Variants in MBTPS1 observed in about 807,000 individuals in gnomAD.
MBTPS1 encodes the protein membrane bound transcription factor peptidase, site 1.
MBTPS1 carries 94 observed loss-of-function variants against 127.8 expected under a neutral mutation model. The ratio of observed to expected loss-of-function variants is 0.74; its 90% CI spans 0.62 to 0.87. The LOEUF (loss-of-function observed/expected upper bound fraction) is 0.87. Ranked by LOEUF, MBTPS1 falls within the 40% of genes least tolerant of loss-of-function variation. The pLI, the probability that MBTPS1 is intolerant of heterozygous loss-of-function variation, is 0.00. For synonymous variants in MBTPS1, 632 were observed against 509.4 expected, an observed-to-expected ratio of 1.24 and a Z score of -3.24; for missense variants, 1,636 against 1,353.2, an observed-to-expected ratio of 1.21 and a Z score of -3.28.
chr16:84,065,596 A>G (rs1351497329), intron 18 of MBTPS1, 94 bp downstream of exon 18: 1 of 838,540 alleles, frequency 1.2e-6, no homozygotes, highest in Non-Finnish European at 2.0e-6. Context: ...AGCTTTTATT[A>G]AAAAAGAGAC....
rs557017798 is a variant in MBTPS1, at chr16:84,115,772, A to G, written c.-325+963T>C. ...AACTGGGCATCAGAGGTCTTGGGGT[A>G]ACGGAAATGTTCTAAAAGTGGATTT... On this transcript the variant is annotated intron_variant, in intron 1 of 22. Transcript: ENST00000343411. 1.6e-4 allele frequency among the ~76,000 whole-genome samples: 24 copies of G among 152,312 alleles called. No individual in the cohort carries two copies. The South Asian group carries it at 5.0e-3, about 32-fold the overall frequency.
intron 1 of MBTPS1, among the ~76,000 whole-genome samples, chr16:84,114,028 G>C (rs1395273019): frequency 6.7e-6 from 1 of 148,750 alleles, no homozygotes; most frequent in Non-Finnish European, 1.5e-5. Flanking sequence ...GCAATGGCGC[G>C]ATCTCAGCTC....
In MBTPS1 at chr16:84,056,039, G is replaced by A. The variant is rs1328970325; in HGVS notation, c.2928C>T (p.Ser976=). The A allele has an allele frequency of 6.2e-7, 1 of 1,613,926 alleles. No homozygotes were observed. Among genetic ancestry groups the A allele is most frequent in the Non-Finnish European group, 8.5e-7 (1 of 1,180,004 alleles). Reference sequence around the variant, plus strand: ...TGTCCCAGGCGCCGCTCTCTCCAGGGGACAAGGGCCTCACTTGAGGGCGAT... The same window carrying A: ...TGTCCCAGGCGCCGCTCTCTCCAGGAGACAAGGGCCTCACTTGAGGGCGAT... ...RSNRPQVRPL[S]PGESGAWDIP... is the part of the protein sequence containing the mutation. The change falls in exon 22 of 23, where the codon TCC becomes TCT. Residue 976 remains serine (S), a synonymous_variant. Transcript: ENST00000343411.
intron 19 of MBTPS1, among the ~76,000 whole-genome samples, chr16:84,062,089 T>A (rs1297479577): frequency 1.3e-5 from 2 of 152,202 alleles, no homozygotes; most frequent in Non-Finnish European, 2.9e-5. Context: ...CCTTTAACTG[T>A]GACTTTAACC....
chr16:84,093,597 G>C (rs1189846680), intron 5 of MBTPS1, 114 bp downstream of exon 5: 2 of 798,944 alleles, frequency 2.5e-6, no homozygotes, highest in African/African-American at 1.7e-5. Context: ...ACAACAAAAA[G>C]CACAATAACA....
intron 1 of MBTPS1, among the ~76,000 whole-genome samples, chr16:84,103,814 C>T (rs967590580): frequency 5.9e-5 from 9 of 152,156 alleles, no homozygotes; most frequent in Admixed American, 3.3e-4. Flanking sequence ...GAAAAACAAG[C>T]CCATCTCTGG....
At chr16:84,104,047 T>C (rs899381179) in intron 1 of MBTPS1, among the ~76,000 whole-genome samples, 1 of 152,234 alleles carries the variant, frequency 6.6e-6, no homozygotes, top group Non-Finnish European at 1.5e-5. Context: ...AGTTTCTTTA[T>C]GCTTGATACA....
chr16:84,098,558 G>T (rs1432921112), intron 3 of MBTPS1, among the ~76,000 whole-genome samples: 1 of 152,096 alleles, frequency 6.6e-6, no homozygotes, highest in South Asian at 2.1e-4. Context: ...GGTGAGCCAA[G>T]ATCGCGCCAC....
intron 9 of MBTPS1, among the ~76,000 whole-genome samples, chr16:84,085,430 T>A (rs909093572): frequency 3.9e-5 from 6 of 151,926 alleles, no homozygotes; most frequent in African/African-American, 1.5e-4. Flanking sequence ...TAGCCAGATG[T>A]AGTGGCACAA....
chr16:84,056,279 A>G, intron 21 of MBTPS1, 144 bp from the exon 22 acceptor site: 2 of 622,314 alleles, frequency 3.2e-6, no homozygotes, highest in South Asian at 2.2e-5. Context: ...CGGCCACCTA[A>G]ATGCCACTGA....
In MBTPS1 at chr16:84,099,115, T is replaced by G. The variant is rs1431070010; in HGVS notation, c.359A>C (p.His120Pro). ...GGGCGTGACCCGTTTGATGTTTGGA[T>G]GATCTTCAAGTGTTAGCAGCCCCGC... The part of the protein sequence containing the change: ...QKAGLLTLED[H>P]PNIKRVTPQR... The change falls in exon 3 of 23, where the codon CAT becomes CCT. Residue 120 changes from histidine to proline, a missense_variant. By Grantham distance (77) the His-to-Pro change is moderately conservative. Coordinates refer to ENST00000343411, the MANE Select transcript of MBTPS1 (RefSeq NM_003791.4). 6.2e-7 allele frequency: 1 copy of G among 1,614,208 alleles called. No homozygotes were observed. The highest frequency in any genetic ancestry group is 8.5e-7 in the Non-Finnish European group (1 of 1,180,026).
At position 84,099,263 on chromosome 16, in the gene MBTPS1, A is replaced by C; in HGVS notation, c.211T>G (p.Ser71Ala). The stretch of plus-strand genomic sequence containing the variant: ...CTCTTCAGGGCACTTGAAATAAATG[A>C]ATTTCTAGCTTTGGCTGTAAAGTAT... ...NGYFTAKARN[S>A]FISSALKSSE... is the part of the protein sequence containing the mutation. The change falls in exon 3 of 23, where the codon TCA (serine) becomes GCA (alanine). Residue 71 changes from serine to alanine, a missense_variant. Physicochemically the swap from Ser to Ala is moderately conservative, Grantham distance 99. Transcript: ENST00000343411. 6.2e-7 allele frequency: 1 copy of C among 1,614,150 alleles called. No homozygotes were observed. Among genetic ancestry groups the C allele is most frequent in the South Asian group, 1.1e-5 (1 of 91,082 alleles).
At chr16:84,086,316 T>G (rs918804560) in intron 9 of MBTPS1, 1 of 151,810 alleles carries the variant, frequency 6.6e-6, no homozygotes, top group Non-Finnish European at 1.5e-5. Flanking sequence ...CACAGTTCGG[T>G]GAGAGCATTT....
intron 18 of MBTPS1, among the ~76,000 whole-genome samples, chr16:84,064,768 C>T (rs535315812): frequency 3.3e-5 from 5 of 152,292 alleles, no homozygotes; most frequent in East Asian, 3.9e-4. Context: ...TGAAATATAA[C>T]CTATTAAACA....
chr16:84,088,615 C>T lies in MBTPS1; in HGVS notation c.1032-1155G>A, dbSNP rs1263199966. On this transcript the variant is annotated intron_variant, in intron 8 of 22. Transcript: ENST00000343411. ...AAGGGAACGCATCAAGAAATCATTGCTGGTATTGAAAAGGAGGGACGTGAG... is the reference window on the plus strand; with the variant it reads ...AAGGGAACGCATCAAGAAATCATTGTTGGTATTGAAAAGGAGGGACGTGAG... Among the ~76,000 whole-genome samples the T allele has an allele frequency of 4.6e-5, 7 of 152,166 alleles. No individual in the cohort carries two copies. The East Asian group carries it at 1.3e-3, about 29-fold the overall frequency.
At chr16:84,098,976 A>G (rs904649510) in intron 3 of MBTPS1, 77 bp downstream of exon 3, 2 of 1,383,414 alleles carry the variant, frequency 1.4e-6, no homozygotes, top group South Asian at 1.3e-5. Flanking sequence ...TCACTGTACT[A>G]TTTTTCAACT....
At chr16:84,097,355 G>A (rs545116685) in intron 3 of MBTPS1, among the ~76,000 whole-genome samples, 3 of 152,274 alleles carry the variant, frequency 2.0e-5, no homozygotes, top group African/African-American at 7.2e-5. Flanking sequence ...ACAGCCCCAC[G>A]AGGTAGGGAG....
At chr16:84,093,952 C>T in intron 4 of MBTPS1, 131 bp from the exon 5 acceptor site, 1 of 696,044 alleles carries the variant, frequency 1.4e-6, no homozygotes, top group South Asian at 1.7e-5. Flanking sequence ...CTGCTCAGAG[C>T]AAATAAGTTA....
rs928999399 is a variant in MBTPS1 at position 84,091,278 on chromosome 16, G to A, written c.964-336C>T. On this transcript the variant is annotated intron_variant, in intron 7 of 22. Transcript: ENST00000343411. ...AGGTGGGTGGATCACCTGAGGTCAG[G>A]AGTTGGAGACCAGCCTGGCCAATTC... Among the ~76,000 whole-genome samples the A allele has an allele frequency of 3.2e-4, 49 of 152,206 alleles. 1 individual carries two copies. Among genetic ancestry groups the A allele is most frequent in the Middle Eastern group, 3.4e-3 (1 of 294 alleles).
Sources: allele counts gnomAD v4.1 joint callset (sites outside exome capture counted in the v4.1 genomes callset), GRCh38; gene constraint gnomAD v4.1.1; transcripts MANE v1.5; gene names NCBI Gene and HGNC (gene_info 2026-07-23, HGNC 2026-07-21).